TMPRSS9: variants seen among roughly 807,000 people sequenced by gnomAD.
TMPRSS9 encodes the protein transmembrane serine protease 9.
A neutral mutation model predicts 111.4 loss-of-function variants in TMPRSS9; 113 were observed. The ratio of observed to expected loss-of-function variants is 1.01; its 90% CI spans 0.87 to 1.19. The LOEUF is 1.19. Ranked by LOEUF, TMPRSS9 falls within the 50% of genes most tolerant of loss-of-function variation. The probability of loss-of-function intolerance (pLI) is 0.00; values close to 1 mark genes in which losing one functional copy is unlikely to be tolerated. For synonymous variants in TMPRSS9, 805 were observed against 659.1 expected, an observed-to-expected ratio of 1.22 and a Z score of -3.39; for missense variants, 1,803 against 1,513.1, an observed-to-expected ratio of 1.19 and a Z score of -3.18.
At chr19:2,364,859 C>T (rs535160810) in intron 1 of TMPRSS9, among the ~76,000 whole-genome samples, 4 of 151,828 alleles carry the variant, frequency 2.6e-5, no homozygotes, top group Admixed American at 6.6e-5. Context: ...TGGTGGCGGG[C>T]GCCTGTAATC....
chr19:2,364,026 C>T (rs951823210), intron 1 of TMPRSS9, among the ~76,000 whole-genome samples: 1 of 151,998 alleles, frequency 6.6e-6, no homozygotes, highest in East Asian at 1.9e-4. Flanking sequence ...AAGCACATCT[C>T]AGCCTCCCGG....
chr19:2,415,408 C>G (rs900882575), intron 10 of TMPRSS9, among the ~76,000 whole-genome samples: 3 of 152,080 alleles, frequency 2.0e-5, no homozygotes, highest in Non-Finnish European at 4.4e-5. Context: ...GTGGTGGGGT[C>G]TGTTGCGGGG....
chr19:2,402,954 A>G, intron 5 of TMPRSS9, 128 bp from the exon 7 acceptor site: 1 of 696,710 alleles, frequency 1.4e-6, no homozygotes, highest in South Asian at 1.7e-5. Flanking sequence ...AAACAAGGAA[A>G]AGGAAAGAAA....
chr19:2,401,008 C>T (rs901633695), intron 4 of TMPRSS9, among the ~76,000 whole-genome samples: 3 of 150,198 alleles, frequency 2.0e-5, no homozygotes, highest in East Asian at 1.9e-4. Context: ...GGCGCGGTGG[C>T]TTACGCCTGT....
intron 1 of TMPRSS9, among the ~76,000 whole-genome samples, chr19:2,368,390 G>A (rs1417887593): frequency 6.6e-6 from 1 of 152,164 alleles, no homozygotes; most frequent in Non-Finnish European, 1.5e-5. Flanking sequence ...TGTCAGGCAG[G>A]AGACACAGCC....
chr19:2,379,673 CTTT>C (rs1970370357), intron 1 of TMPRSS9, among the ~76,000 whole-genome samples: 1 of 146,050 alleles, frequency 6.8e-6, no homozygotes, highest in Non-Finnish European at 1.5e-5. Context: ...TTCTTTCTTT[CTTT>C]CTCTTTTTCT....
chr19:2,379,823 C>T (rs1230728796), intron 1 of TMPRSS9, among the ~76,000 whole-genome samples: 1 of 151,370 alleles, frequency 6.6e-6, no homozygotes, highest in East Asian at 2.0e-4. Context: ...GTGGCACAAT[C>T]ACACCTCACT....
intron 1 of TMPRSS9, among the ~76,000 whole-genome samples, chr19:2,378,686 C>T (rs1300764000): frequency 4.6e-5 from 7 of 152,152 alleles, no homozygotes; most frequent in African/African-American, 9.7e-5. Flanking sequence ...CCACTGCACT[C>T]CAGCCTGGGG....
At chr19:2,362,890 T>G (rs1041876371) in intron 1 of TMPRSS9, among the ~76,000 whole-genome samples, 1 of 151,370 alleles carries the variant, frequency 6.6e-6, no homozygotes, top group African/African-American at 2.4e-5. Context: ...GTGGTTGTGT[T>G]TGGTTGTGTG....
At chr19:2,393,905 A>AG (rs1185846331) in intron 1 of TMPRSS9, among the ~76,000 whole-genome samples, 1 of 136,226 alleles carries the variant, frequency 7.3e-6, no homozygotes, top group African/African-American at 2.5e-5. Context: ...CTCCAAAAAA[A>AG]AAAAAAAAAA....
intron 13 of TMPRSS9, among the ~76,000 whole-genome samples, chr19:2,419,303 A>C (rs1971410338): frequency 6.7e-6 from 1 of 150,084 alleles, no homozygotes; most frequent in Admixed American, 6.7e-5. Context: ...TCCCAGGTTC[A>C]AGCGAGTCTC....
chr19:2,418,272 C>A, intron 13 of TMPRSS9, 134 bp downstream of exon 14: 1 of 694,418 alleles, frequency 1.4e-6, no homozygotes, highest in African/African-American at 4.1e-5. Flanking sequence ...CCTTGTCCTT[C>A]CCTCCTTTTC....
chr19:2,405,274 T>C (rs1970944842), intron 6 of TMPRSS9, 100 bp from the exon 8 acceptor site: 2 of 1,432,118 alleles, frequency 1.4e-6, no homozygotes, highest in African/African-American at 1.5e-5. Flanking sequence ...CTCTTTGAAC[T>C]TAGGGACTGT....
Position 2,391,786 on chromosome 19 carries a change from C to T in TMPRSS9, c.142+1859C>T, listed in dbSNP as rs944640668. Among the ~76,000 whole-genome samples the T allele has an allele frequency of 1.3e-4, 19 of 148,450 alleles. 1 individual carries two copies. The highest frequency in any genetic ancestry group is 4.3e-4 in the South Asian group (2 of 4,696). ...GGAGTCTCACTCTGTCTCCCAGGCGCGACAGAGTGCAGTGGCACAATCTCA... is the reference window on the plus strand; with the variant it reads ...GGAGTCTCACTCTGTCTCCCAGGCGTGACAGAGTGCAGTGGCACAATCTCA... On this transcript the variant is annotated intron_variant, in intron 1 of 17. Coordinates refer to ENST00000648592, the Ensembl canonical transcript of TMPRSS9.
chr19:2,396,556 G>C, exon 2 of TMPRSS9: 1 of 1,609,590 alleles, frequency 6.2e-7, no homozygotes. Flanking sequence ...CTCTACACAG[G>C]GCTTCCACGT....
At chr19:2,373,888 A>G (rs531741148) in intron 1 of TMPRSS9, among the ~76,000 whole-genome samples, 4 of 152,316 alleles carry the variant, frequency 2.6e-5, no homozygotes, top group Non-Finnish European at 5.9e-5. Context: ...AATACACACC[A>G]TGCTGATTTA....
At chr19:2,369,320 CTG>C (rs1218662771) in intron 1 of TMPRSS9, among the ~76,000 whole-genome samples, 2 of 152,288 alleles carry the variant, frequency 1.3e-5, no homozygotes, top group South Asian at 2.1e-4. Context: ...GCTGAGAAGA[CTG>C]TGGGAGGAGC....
chr19:2,385,339 C>T (rs1299693914), upstream of TMPRSS9, among the ~76,000 whole-genome samples: 1 of 152,122 alleles, frequency 6.6e-6, no homozygotes, highest in African/African-American at 2.4e-5. Flanking sequence ...CCCAGTTCTG[C>T]TTAGGGATCC....
At chr19:2,411,262 T>G (rs1336351379) in intron 9 of TMPRSS9, among the ~76,000 whole-genome samples, 1 of 112,358 alleles carries the variant, frequency 8.9e-6, no homozygotes, top group Admixed American at 1.3e-4. Context: ...ATCACGCCAT[T>G]GCACTCCAGC....
Sources: gnomAD v4.1 joint callset for allele counts (sites outside exome capture counted in the v4.1 genomes callset) on GRCh38, gnomAD v4.1.1 for gene constraint, MANE v1.5 for transcripts, NCBI Gene and HGNC (gene_info 2026-07-23, HGNC 2026-07-21) for gene names.